USH2A: variants seen among roughly 807,000 people sequenced by gnomAD.
The protein encoded by USH2A is usherin, also known as Usher syndrome 2A (autosomal recessive, mild).
A neutral mutation model predicts 538.9 loss-of-function variants in USH2A; 443 were observed. That is an observed-to-expected ratio of 0.82 (90% CI 0.76 to 0.89). The LOEUF (loss-of-function observed/expected upper bound fraction) is 0.89. USH2A is among the 40% of genes least tolerant of loss of function. The pLI is 0.00. For synonymous variants in USH2A, 2,413 were observed against 2,273.5 expected, an observed-to-expected ratio of 1.06 and a Z score of -1.75; for missense variants, 6,633 against 6,324.8, an observed-to-expected ratio of 1.05 and a Z score of -1.65.
At chr1:216,421,346 A>T (rs972912430) in intron 2 of USH2A, among the ~76,000 whole-genome samples, 19 of 152,146 alleles carry the variant, frequency 1.2e-4, no homozygotes, top group Non-Finnish European at 2.8e-4. Flanking sequence ...TTCAATTTAT[A>T]TTACTGAACA....
intron 20 of USH2A, among the ~76,000 whole-genome samples, chr1:216,188,883 G>A (rs1215920019): frequency 1.3e-5 from 2 of 151,776 alleles, no homozygotes; most frequent in African/African-American, 4.8e-5. Context: ...TTCACCCTCC[G>A]TTGTCTCCAT....
chr1:216,383,646 A>C (rs2038956088), intron 3 of USH2A, among the ~76,000 whole-genome samples: 1 of 152,108 alleles, frequency 6.6e-6, no homozygotes, highest in Admixed American at 6.5e-5. Flanking sequence ...TGAAATTATT[A>C]TCTTCACGTA....
chr1:215,988,107 G>A (rs142183512), intron 35 of USH2A, among the ~76,000 whole-genome samples: 1 of 151,250 alleles, frequency 6.6e-6, no homozygotes, highest in South Asian at 2.1e-4. Flanking sequence ...CTACATACAC[G>A]TGGTTGTGCA....
intron 21 of USH2A, among the ~76,000 whole-genome samples, chr1:216,167,133 A>G (rs1159478028): frequency 6.6e-6 from 1 of 151,992 alleles, no homozygotes; most frequent in Non-Finnish European, 1.5e-5. Flanking sequence ...TACCTTAAAT[A>G]TGGTTTTCAT....
intron 32 of USH2A, among the ~76,000 whole-genome samples, chr1:216,043,064 C>T (rs2030355606): frequency 6.6e-6 from 1 of 152,024 alleles, no homozygotes; most frequent in Non-Finnish European, 1.5e-5. Context: ...GACATGGCAG[C>T]CCTAGCAGAC....
chr1:216,308,517 T>C (rs1343797223), intron 9 of USH2A, among the ~76,000 whole-genome samples: 1 of 152,246 alleles, frequency 6.6e-6, no homozygotes, highest in East Asian at 1.9e-4. Context: ...TGTTCACTTC[T>C]TTTGTCTGTT....
chr1:215,674,639 G>A lies in USH2A; in HGVS notation c.13272C>T (p.Cys4424=). 1 of 1,614,166 alleles carries A rather than the reference G, an allele frequency of 6.2e-7. No homozygotes were observed. The highest frequency in any genetic ancestry group is 8.5e-7 in the Non-Finnish European group (1 of 1,180,028). ...YSQYNFSLVA[C]TNGGCTASVS... ...CACTAGCTGTGCAACCTCCATTCGT[G>A]CAGGCTACAAGGGAGAAGTTATACT... The change falls in exon 63 of 72, where the codon TGC becomes TGT. Residue 4424 remains cysteine, a synonymous_variant. Transcript: ENST00000307340.
chr1:216,161,708 T>G (rs1193534399), intron 21 of USH2A, among the ~76,000 whole-genome samples: 1 of 152,132 alleles, frequency 6.6e-6, no homozygotes, highest in African/African-American at 2.4e-5. Flanking sequence ...CTTTTGATGA[T>G]AACTTTTTTC....
Position 215,900,208 on chromosome 1 carries a change from G to A in USH2A, c.7461C>T (p.Ser2487=), listed in dbSNP as rs769678033. ...DSTHGFLELF[S]NPSASLSYEV... is the part of the protein sequence containing the mutation. Reference sequence around the variant, plus strand: ...CATAGCTTAACGATGCAGAAGGATTGGAAAATAACCTGTATGGGAAATAAA... The same window carrying A: ...CATAGCTTAACGATGCAGAAGGATTAGAAAATAACCTGTATGGGAAATAAA... Residue 2487 remains serine, a synonymous_variant, in exon 40 of 72, where the codon TCC becomes TCT. Coordinates refer to ENST00000307340, the MANE Select transcript of USH2A (RefSeq NM_206933.4). 2 of 1,613,262 alleles carry A rather than the reference G, an allele frequency of 1.2e-6. No homozygotes were observed. The highest frequency in any genetic ancestry group is 1.3e-5 in the African/African-American group (1 of 74,830).
chr1:216,088,842 G>A (rs766703515), intron 23 of USH2A, among the ~76,000 whole-genome samples, 171 bp downstream of exon 23: 1 of 152,098 alleles, frequency 6.6e-6, no homozygotes, highest in Non-Finnish European at 1.5e-5. Flanking sequence ...TGAAAAACTG[G>A]TTGCCAGACT....
intron 51 of USH2A, among the ~76,000 whole-genome samples, chr1:215,787,163 A>G (rs1268128207): frequency 6.6e-6 from 1 of 152,160 alleles, no homozygotes; most frequent in Non-Finnish European, 1.5e-5. Flanking sequence ...AGTGGGGAAC[A>G]TGGAGACAAA....
intron 3 of USH2A, among the ~76,000 whole-genome samples, chr1:216,386,054 CT>C (rs1033002329): frequency 6.6e-6 from 1 of 152,102 alleles, no homozygotes; most frequent in African/African-American, 2.4e-5. Flanking sequence ...CACTAAATTC[CT>C]TTGGACCAAG....
At chr1:216,412,186 T>G (rs1380514563) in intron 3 of USH2A, among the ~76,000 whole-genome samples, 1 of 152,128 alleles carries the variant, frequency 6.6e-6, no homozygotes, top group Non-Finnish European at 1.5e-5. Flanking sequence ...TCCTAACATT[T>G]TGAGGAGTTA....
intron 4 of USH2A, among the ~76,000 whole-genome samples, chr1:216,335,062 G>A (rs2037943064): frequency 6.6e-6 from 1 of 151,676 alleles, no homozygotes; most frequent in Non-Finnish European, 1.5e-5. Flanking sequence ...CATAAAACAA[G>A]TCTCTATAAA....
At chr1:215,739,572 G>T (rs1372267502) in intron 60 of USH2A, among the ~76,000 whole-genome samples, 6 of 152,166 alleles carry the variant, frequency 3.9e-5, no homozygotes, top group African/African-American at 1.4e-4. Context: ...ATTTCAAGAG[G>T]GTGGACATTT....
intron 30 of USH2A, among the ~76,000 whole-genome samples, chr1:216,064,500 GTT>G (rs569843254): frequency 3.5e-5 from 5 of 143,302 alleles, no homozygotes; most frequent in Non-Finnish European, 7.7e-5. Context: ...GCTAGGGATT[GTT>G]TTTTTTTTTT....
intron 49 of USH2A, among the ~76,000 whole-genome samples, chr1:215,806,642 C>T (rs769803277): frequency 2.6e-5 from 4 of 152,150 alleles, no homozygotes; most frequent in Middle Eastern, 6.8e-3. Flanking sequence ...AGTTACCTCG[C>T]TTGGCATAAC....
At chr1:215,626,507 T>C (rs998302091) in intron 71 of USH2A, among the ~76,000 whole-genome samples, 3 of 152,042 alleles carry the variant, frequency 2.0e-5, no homozygotes, top group African/African-American at 7.2e-5. Flanking sequence ...CTTCCCACTC[T>C]TGTGCTGTAT....
intron 21 of USH2A, 116 bp downstream of exon 21, chr1:216,175,136 G>A: frequency 6.5e-7 from 1 of 1,535,046 alleles, no homozygotes; most frequent in Non-Finnish European, 8.8e-7. Flanking sequence ...TCAAAGGGCT[G>A]AATTAGTATT....
Sources: gnomAD v4.1 joint callset for allele counts (sites outside exome capture counted in the v4.1 genomes callset) on GRCh38, gnomAD v4.1.1 for gene constraint, MANE v1.5 for transcripts, NCBI Gene and HGNC (gene_info 2026-07-23, HGNC 2026-07-21) for gene names.